The following EXOC6B variants were observed in gnomAD, a reference collection of about 807,000 sequenced individuals.
EXOC6B encodes the protein SEC15 homolog B.
EXOC6B carries 54 observed loss-of-function variants against 113.5 expected under a neutral mutation model. That is an observed-to-expected ratio of 0.48 (90% confidence interval 0.38 to 0.60). EXOC6B has a LOEUF of 0.60. Among genes scored for constraint, EXOC6B ranks in the 20% least tolerant of loss-of-function variants. The pLI is 0.00. For missense variants in EXOC6B, 797 were observed against 977.5 expected (o/e 0.82, Z 2.46); for synonymous variants, 357 against 339.0 (o/e 1.05, Z -0.58).
At position 72,813,208 on chromosome 2, in the gene EXOC6B, G is replaced by A. The variant is rs1003401363; in HGVS notation, c.113+12590C>T. ...GGGCTCAGGTGATCCTCCCACCTCA[G>A]CCTCCCTAGTTAGTTGGGACTATAG... On this transcript the variant is annotated intron_variant, in intron 1 of 21. Coordinates refer to ENST00000272427, the MANE Select transcript of EXOC6B (RefSeq NM_015189.3). Among the ~76,000 whole-genome samples the A allele has an allele frequency of 9.9e-5, 15 of 151,954 alleles. No homozygotes were observed. In the South Asian group the frequency reaches 3.1e-3, roughly 32 times the overall value.
chr2:72,798,504 T>C (rs774569903), intron 1 of EXOC6B, among the ~76,000 whole-genome samples: 1 of 152,176 alleles, frequency 6.6e-6, no homozygotes, highest in Non-Finnish European at 1.5e-5. Context: ...AAGTGCTAAG[T>C]AGCACATATT....
intron 8 of EXOC6B, among the ~76,000 whole-genome samples, chr2:72,543,737 G>T (rs1312805970): frequency 2.6e-5 from 4 of 152,132 alleles, no homozygotes; most frequent in Admixed American, 6.6e-5. Context: ...TCAATGCAGT[G>T]CACAAAGTAT....
intron 1 of EXOC6B, among the ~76,000 whole-genome samples, chr2:72,780,784 A>G (rs1254666159): frequency 6.6e-6 from 1 of 152,198 alleles, no homozygotes; most frequent in Non-Finnish European, 1.5e-5. Flanking sequence ...AAAGAATTCA[A>G]CAGCAGCTAT....
At chr2:72,261,268 C>T (rs935293926) in intron 20 of EXOC6B, among the ~76,000 whole-genome samples, 2 of 152,156 alleles carry the variant, frequency 1.3e-5, no homozygotes, top group African/African-American at 2.4e-5. Flanking sequence ...GGTTGGAGCA[C>T]CCCCTCCAGG....
chr2:72,764,364 C>CTTTTTTTT (rs397869115), intron 1 of EXOC6B, among the ~76,000 whole-genome samples: 7 of 66,770 alleles, frequency 1.0e-4, no homozygotes, highest in Admixed American at 4.7e-4. Flanking sequence ...TATTTTCTCT[C>CTTTTTTTT]TTTTTTTTTT....
At chr2:72,657,810 G>A (rs533368115) in intron 6 of EXOC6B, among the ~76,000 whole-genome samples, 33 of 151,082 alleles carry the variant, frequency 2.2e-4, no homozygotes, top group Non-Finnish European at 4.1e-4. Flanking sequence ...CTATTATTAT[G>A]TCTGAAATGC....
At position 72,808,543 on chromosome 2, in the gene EXOC6B, G is replaced by A. The variant is rs187834428; in HGVS notation, c.113+17255C>T. 1.3e-4 allele frequency among the ~76,000 whole-genome samples: 20 copies of A among 152,272 alleles called. No individual in the cohort carries two copies. The East Asian group carries it at 3.9e-3, about 29-fold the overall frequency. Reference sequence around the variant, plus strand: ...TGAGGCCAAGGCAGGAGGATGGCTTGAGCCCAGAAGTTCAAGACCAGCCCG... The same window carrying A: ...TGAGGCCAAGGCAGGAGGATGGCTTAAGCCCAGAAGTTCAAGACCAGCCCG... On this transcript the variant is annotated intron_variant, in intron 1 of 21. Transcript: ENST00000272427.
At chr2:72,408,397 C>T (rs1693931029) in intron 18 of EXOC6B, among the ~76,000 whole-genome samples, 1 of 152,072 alleles carries the variant, frequency 6.6e-6, no homozygotes, top group Non-Finnish European at 1.5e-5. Context: ...AAAAAGAGCC[C>T]ACATTGCCAA....
chr2:72,509,474 G>C (rs972269702), intron 11 of EXOC6B, among the ~76,000 whole-genome samples: 1 of 152,024 alleles, frequency 6.6e-6, no homozygotes, highest in Non-Finnish European at 1.5e-5. Context: ...GTAGAAAAAG[G>C]AACTACAGAA....
chr2:72,675,832 G>A (rs1403251034), intron 6 of EXOC6B, among the ~76,000 whole-genome samples: 1 of 151,768 alleles, frequency 6.6e-6, no homozygotes, highest in Non-Finnish European at 1.5e-5. Flanking sequence ...GCGGGGGGGC[G>A]GACAATGTAC....
At chr2:72,328,422 A>AG (rs1688255995) in intron 20 of EXOC6B, among the ~76,000 whole-genome samples, 1 of 152,068 alleles carries the variant, frequency 6.6e-6, no homozygotes, top group South Asian at 2.1e-4. Flanking sequence ...AAAAAAAAAA[A>AG]AATCTAGATA....
intron 20 of EXOC6B, among the ~76,000 whole-genome samples, chr2:72,244,378 T>C (rs540344180): frequency 6.6e-6 from 1 of 152,190 alleles, no homozygotes; most frequent in South Asian, 2.1e-4. Context: ...ATACAACTCA[T>C]TAAAATTTGT....
intron 20 of EXOC6B, among the ~76,000 whole-genome samples, chr2:72,237,176 A>T (rs1033406747): frequency 3.3e-5 from 5 of 152,210 alleles, no homozygotes; most frequent in Non-Finnish European, 7.3e-5. Flanking sequence ...AGGAAGTAAC[A>T]GGCGTTATAT....
At chr2:72,796,189 A>G (rs1173349871) in intron 1 of EXOC6B, among the ~76,000 whole-genome samples, 2 of 150,864 alleles carry the variant, frequency 1.3e-5, no homozygotes, top group African/African-American at 4.9e-5. Flanking sequence ...GCGGTGGCTC[A>G]CGCCTGTAAT....
intron 14 of EXOC6B, 86 bp downstream of exon 14, chr2:72,496,368 T>A (rs1216745890): frequency 1.3e-6 from 1 of 758,352 alleles, no homozygotes; most frequent in Non-Finnish European, 2.3e-6. Flanking sequence ...GAGTTAAAGG[T>A]AATGCTTTCA....
rs931905165 is a variant in EXOC6B at position 72,437,437 on chromosome 2, T to C, written c.1980+27723A>G. 2.6e-5 allele frequency among the ~76,000 whole-genome samples: 4 copies of C among 152,200 alleles called. No individual in the cohort carries two copies. The South Asian group carries it at 6.2e-4, about 24-fold the overall frequency. On this transcript the variant is annotated intron_variant, in intron 18 of 21. Coordinates refer to ENST00000272427, the MANE Select transcript of EXOC6B (RefSeq NM_015189.3). ...AGAACTTGAGTGCTGTACTGGGAGA[T>C]CCACTGCTCTCTTCAGAGCTGGCAG...
At chr2:72,797,884 C>G (rs1023445526) in intron 1 of EXOC6B, among the ~76,000 whole-genome samples, 4 of 151,808 alleles carry the variant, frequency 2.6e-5, no homozygotes, top group African/African-American at 9.7e-5. Flanking sequence ...CATCCCTACC[C>G]CCCAATGGAA....
chr2:72,206,889 TGC>T (rs1559015402), intron 20 of EXOC6B, among the ~76,000 whole-genome samples: 2 of 152,212 alleles, frequency 1.3e-5, no homozygotes, highest in East Asian at 3.8e-4. Flanking sequence ...AAACAACATA[TGC>T]TTTTTGCAAA....
intron 1 of EXOC6B, among the ~76,000 whole-genome samples, chr2:72,751,643 A>T (rs1162517734): frequency 6.6e-6 from 1 of 152,176 alleles, no homozygotes; most frequent in Non-Finnish European, 1.5e-5. Flanking sequence ...AAACTATAAC[A>T]ACTGTTATTT....
Sources: gnomAD v4.1 joint callset for allele counts (sites outside exome capture counted in the v4.1 genomes callset) on GRCh38, gnomAD v4.1.1 for gene constraint, MANE v1.5 for transcripts, NCBI Gene and HGNC (gene_info 2026-07-23, HGNC 2026-07-21) for gene names.